Variants in DPP6 observed in about 807,000 individuals in gnomAD.
The protein encoded by DPP6 is A-type potassium channel modulatory protein DPP6.
Under a neutral mutation model 122.6 loss-of-function variants are expected in DPP6, and 69 were observed. The observed-to-expected ratio is 0.56, with a 90% CI of 0.46 to 0.69. The LOEUF (loss-of-function observed/expected upper bound fraction) is 0.69. Among genes scored for constraint, DPP6 ranks in the 30% least tolerant of loss-of-function variants. The probability of loss-of-function intolerance (pLI) is 0.00; values close to 1 mark genes in which losing one functional copy is unlikely to be tolerated. For missense variants in DPP6, 928 were observed against 1,116.9 expected (o/e 0.83, Z 2.41); for synonymous variants, 418 against 433.1 (o/e 0.97, Z 0.43).
At chr7:154,166,616 A>T (rs371632869) in intron 1 of DPP6, among the ~76,000 whole-genome samples, 1 of 145,122 alleles carries the variant, frequency 6.9e-6, no homozygotes, top group Non-Finnish European at 1.5e-5. Context: ...GTACGTTTAG[A>T]AAAGTTTTCA....
chr7:154,383,633 T>C (rs556921463), intron 1 of DPP6, among the ~76,000 whole-genome samples: 7 of 152,318 alleles, frequency 4.6e-5, no homozygotes, highest in South Asian at 4.1e-4. Flanking sequence ...CTCACGCCTG[T>C]AATCCCAGCA....
At chr7:154,771,622 C>T (rs999560870) in intron 9 of DPP6, among the ~76,000 whole-genome samples, 1 of 152,228 alleles carries the variant, frequency 6.6e-6, no homozygotes, top group Admixed American at 6.5e-5. Context: ...CTCCTTTCAA[C>T]AGCCTTTGAT....
At chr7:154,557,730 AC>A (rs1228685358) in intron 4 of DPP6, among the ~76,000 whole-genome samples, 2 of 152,078 alleles carry the variant, frequency 1.3e-5, no homozygotes, top group Non-Finnish European at 2.9e-5. Context: ...AAATGAATGA[AC>A]CATGCCATCC....
intron 2 of DPP6, among the ~76,000 whole-genome samples, chr7:154,462,398 A>C (rs1351935867): frequency 6.6e-6 from 1 of 152,166 alleles, no homozygotes; most frequent in Non-Finnish European, 1.5e-5. Flanking sequence ...TTTTGTGAAG[A>C]ATGTCATCAG....
chr7:153,858,519 C>G, the DPP6 span, among the ~76,000 whole-genome samples: 1 of 152,148 alleles, frequency 6.6e-6, no homozygotes, highest in Non-Finnish European at 1.5e-5. Context: ...CGCTGTCCTC[C>G]CACTCTGCAT....
chr7:154,573,003 T>C (rs960253807), intron 5 of DPP6, among the ~76,000 whole-genome samples: 1 of 152,128 alleles, frequency 6.6e-6, no homozygotes, highest in African/African-American at 2.4e-5. Context: ...TGAGTTTCTT[T>C]GTTGCAAGAA....
chr7:153,794,316 C>G, the DPP6 span, among the ~76,000 whole-genome samples: 1 of 152,320 alleles, frequency 6.6e-6, no homozygotes, highest in South Asian at 2.1e-4. Flanking sequence ...CCACCTCTTG[C>G]ATCAGCGTGA....
intron 1 of DPP6, among the ~76,000 whole-genome samples, chr7:153,996,966 A>G (rs1373032878): frequency 6.6e-6 from 1 of 152,178 alleles, no homozygotes; most frequent in Non-Finnish European, 1.5e-5. Context: ...ACTAAAATAA[A>G]TGACAAGGCA....
chr7:154,605,144 A>T lies in DPP6; in HGVS notation c.628-32677A>T, dbSNP rs1185679703. Reference sequence around the variant, plus strand: ...TTATTTTTCTTTGCATATAGAGGTGATCGTATTGTTCCTTTTTGTTTAATC... The same window carrying T: ...TTATTTTTCTTTGCATATAGAGGTGTTCGTATTGTTCCTTTTTGTTTAATC... On this transcript the variant is annotated intron_variant, in intron 5 of 25. Coordinates refer to ENST00000377770, the MANE Select transcript of DPP6 (RefSeq NM_130797.4). Among the ~76,000 whole-genome samples the T allele has an allele frequency of 1.7e-5, 2 of 118,958 alleles. 1 individual carries two copies. The highest frequency in any genetic ancestry group is 3.8e-5 in the Non-Finnish European group (2 of 52,910). 78.0% of individuals were successfully genotyped at this position (118,958 alleles called of 152,430 possible). A position where few individuals can be genotyped will look rare whatever the true frequency, so the allele number is the denominator to read the frequency against.
chr7:154,784,021 G>A (rs376855185), intron 10 of DPP6, among the ~76,000 whole-genome samples: 6 of 152,102 alleles, frequency 3.9e-5, no homozygotes, highest in African/African-American at 1.4e-4. Flanking sequence ...GACACCTGGG[G>A]AACTGCACAA....
chr7:153,797,325 GA>G, the DPP6 span, among the ~76,000 whole-genome samples: 1 of 152,148 alleles, frequency 6.6e-6, no homozygotes, highest in South Asian at 2.1e-4. Context: ...AATGAAGGAA[GA>G]AGAGGAGAAG....
At chr7:154,868,255 G>A (rs1273321264) in intron 18 of DPP6, among the ~76,000 whole-genome samples, 162 bp downstream of exon 18, 2 of 152,200 alleles carry the variant, frequency 1.3e-5, no homozygotes, top group East Asian at 3.9e-4. Flanking sequence ...CTTGTGTTCA[G>A]AACCAAGATG....
chr7:154,385,356 C>A (rs1396432676), intron 1 of DPP6, among the ~76,000 whole-genome samples: 1 of 152,152 alleles, frequency 6.6e-6, no homozygotes, highest in Non-Finnish European at 1.5e-5. Context: ...GGTTGTGAAT[C>A]AAGTTCTTCA....
At chr7:153,897,336 A>G (rs1197807992) in intron 1 of DPP6, among the ~76,000 whole-genome samples, 1 of 152,198 alleles carries the variant, frequency 6.6e-6, no homozygotes, top group Non-Finnish European at 1.5e-5. Context: ...GGGGAGAAAA[A>G]TAAGAGATCA....
intron 1 of DPP6, among the ~76,000 whole-genome samples, chr7:154,424,161 G>T (rs1817705486): frequency 6.6e-6 from 1 of 152,200 alleles, no homozygotes; most frequent in Non-Finnish European, 1.5e-5. Flanking sequence ...GCTACGCACT[G>T]TTTATCTCAA....
At chr7:154,557,401 T>G (rs980434337) in intron 4 of DPP6, among the ~76,000 whole-genome samples, 2 of 152,188 alleles carry the variant, frequency 1.3e-5, no homozygotes, top group Non-Finnish European at 2.9e-5. Context: ...GCTGGTTTCT[T>G]TTGGTGTTAT....
At chr7:154,425,611 T>TGG (rs1817827639) in intron 1 of DPP6, among the ~76,000 whole-genome samples, 4 of 114,064 alleles carry the variant, frequency 3.5e-5, no homozygotes, top group East Asian at 2.4e-4. Flanking sequence ...AAAATGTGTG[T>TGG]GTGTGTGTGG....
chr7:153,814,004 T>A, the DPP6 span, among the ~76,000 whole-genome samples: 2 of 151,214 alleles, frequency 1.3e-5, no homozygotes, highest in East Asian at 1.9e-4. Flanking sequence ...TTTCTTTTGC[T>A]GTGCAGAAGC....
At chr7:154,117,253 T>C (rs905946725) in intron 1 of DPP6, among the ~76,000 whole-genome samples, 3 of 152,208 alleles carry the variant, frequency 2.0e-5, no homozygotes, top group Non-Finnish European at 2.9e-5. Flanking sequence ...CTCAAAATAA[T>C]TGAGTGGAGA....
Sources: gnomAD v4.1 joint callset for allele counts (sites outside exome capture counted in the v4.1 genomes callset) on GRCh38, gnomAD v4.1.1 for gene constraint, MANE v1.5 for transcripts, NCBI Gene and HGNC (gene_info 2026-07-23, HGNC 2026-07-21) for gene names.